Variants in NFATC1 observed in about 807,000 individuals in gnomAD.
NFATC1 encodes the protein nuclear factor of activated T cells 1, also known as nuclear factor of activated T-cells, cytoplasmic 1.
NFATC1 carries 22 observed loss-of-function variants against 76.0 expected under a neutral mutation model. The ratio of observed to expected loss-of-function variants is 0.29; its 90% CI spans 0.21 to 0.41. The LOEUF is 0.41. Among genes scored for constraint, NFATC1 ranks in the 10% least tolerant of loss-of-function variants. The pLI is 1.00. For missense variants in NFATC1, 1,357 were observed against 1,337.7 expected (o/e 1.01, Z -0.23); for synonymous variants, 704 against 613.1 (o/e 1.15, Z -2.19).
At chr18:79,414,098 C>T (rs557570452) in intron 2 of NFATC1, among the ~76,000 whole-genome samples, 52 of 152,264 alleles carry the variant, frequency 3.4e-4, no homozygotes, top group African/African-American at 9.4e-4. Flanking sequence ...ACCTCGTCAG[C>T]GGGTGCCCTG....
intron 6 of NFATC1, 124 bp downstream of exon 6, chr18:79,451,940 C>T (rs1017669960): frequency 4.8e-5 from 59 of 1,235,290 alleles, no homozygotes; most frequent in South Asian, 2.3e-4. Context: ...GGGTGTGGCA[C>T]GGAGCAGAGG....
chr18:79,486,803 G>T lies in NFATC1; in HGVS notation c.2648G>T (p.Arg883Leu), dbSNP rs750561672. ...GRPQHLPSTVRRDESPTAGPR... is the reference protein window; with the variant it reads ...GRPQHLPSTVLRDESPTAGPR... ...CCGCAGCACCTGCCGTCCACGGTCC[G>T]CAGGGACGAGTCTCCGACTGCCGGG... The change falls in exon 9 of 10, where the codon CGC becomes CTC. Residue 883 changes from arginine to leucine, a missense_variant. Arg to Leu is a moderately radical substitution (Grantham distance 102). This residue lies in a region of NFATC1 where 424 missense variants were observed against 395.4 expected (regional missense o/e 1.07). Coordinates refer to ENST00000427363, the MANE Select transcript of NFATC1 (RefSeq NM_001278669.2). 2.2e-5 allele frequency: 36 copies of T among 1,610,990 alleles called. No individual in the cohort carries two copies. Among genetic ancestry groups the T allele is most frequent in the Admixed American group, 3.3e-5 (2 of 59,958 alleles).
At chr18:79,484,147 C>T (rs1224239154) in intron 8 of NFATC1, among the ~76,000 whole-genome samples, 1 of 152,024 alleles carries the variant, frequency 6.6e-6, no homozygotes, top group Non-Finnish European at 1.5e-5. Flanking sequence ...TTCTCCCTCC[C>T]CTGCCCTGGG....
chr18:79,466,112 C>T (rs1245517038), intron 7 of NFATC1, among the ~76,000 whole-genome samples: 1 of 152,146 alleles, frequency 6.6e-6, no homozygotes, highest in Admixed American at 6.5e-5. Context: ...AGGGCATGGC[C>T]CCTCTGCATG....
At chr18:79,439,477 A>G (rs907876316) in intron 3 of NFATC1, among the ~76,000 whole-genome samples, 8 of 152,328 alleles carry the variant, frequency 5.3e-5, no homozygotes, top group Admixed American at 2.0e-4. Flanking sequence ...TGCAGGAGGC[A>G]CGGATTAATT....
chr18:79,408,946 T>G (rs1430547880), intron 1 of NFATC1, among the ~76,000 whole-genome samples: 1 of 141,528 alleles, frequency 7.1e-6, no homozygotes, highest in African/African-American at 2.7e-5. Flanking sequence ...TATCCATTCA[T>G]TCATCATCCA....
chr18:79,454,582 G>A (rs1298068305), intron 6 of NFATC1, among the ~76,000 whole-genome samples: 1 of 152,216 alleles, frequency 6.6e-6, no homozygotes, highest in African/African-American at 2.4e-5. Context: ...GGGTGTTTGA[G>A]TCTCAGCCTG....
intron 3 of NFATC1, among the ~76,000 whole-genome samples, chr18:79,435,791 C>T (rs548633078): frequency 7.7e-4 from 117 of 152,316 alleles, no homozygotes; most frequent in Middle Eastern, 3.4e-3. Context: ...TCAAGTGGCC[C>T]GTGTGTGCGC....
chr18:79,477,556 G>T (rs1216249235), intron 8 of NFATC1, among the ~76,000 whole-genome samples: 1 of 149,520 alleles, frequency 6.7e-6, no homozygotes, highest in Non-Finnish European at 1.5e-5. Flanking sequence ...AGCACTACCG[G>T]CCGTACTGTT....
At chr18:79,497,178 C>A (rs1360421834) in intron 9 of NFATC1, 1 of 152,268 alleles carries the variant, frequency 6.6e-6, no homozygotes, top group African/African-American at 2.4e-5. Flanking sequence ...TGGAGAGAAG[C>A]AGGCCTTCTA....
At chr18:79,411,544 CGCGGG>C (rs1471944719) in intron 2 of NFATC1, 43 bp downstream of exon 2, 7 of 1,313,044 alleles carry the variant, frequency 5.3e-6, no homozygotes, top group African/African-American at 1.5e-5. Flanking sequence ...CGAGGGGAGG[CGCGGG>C]GCGGGGCGGA....
At chr18:79,507,107 C>G (rs1328937814) in intron 9 of NFATC1, among the ~76,000 whole-genome samples, 1 of 152,236 alleles carries the variant, frequency 6.6e-6, no homozygotes, top group Non-Finnish European at 1.5e-5. Context: ...AGGACGCTGT[C>G]GCCAGGCACT....
chr18:79,427,094 C>G (rs1001017002), intron 2 of NFATC1, among the ~76,000 whole-genome samples: 1 of 152,190 alleles, frequency 6.6e-6, no homozygotes, highest in Non-Finnish European at 1.5e-5. Context: ...GAGCATGTCC[C>G]GGGTTCTTAG....
chr18:79,443,268 A>T (rs2087055730), intron 3 of NFATC1, among the ~76,000 whole-genome samples: 1 of 152,166 alleles, frequency 6.6e-6, no homozygotes, highest in Non-Finnish European at 1.5e-5. Flanking sequence ...CAGCTTGTGC[A>T]CCGCGCGTAT....
In NFATC1 at chr18:79,448,692, C is replaced by T. The variant is rs558118526; in HGVS notation, c.1387-90C>T. Reference sequence around the variant, plus strand: ...GGGCAGGGCAGGGGGACACAGGCCTCGAACCCGCCGCAGGTTTTCTCTGCG... The same window carrying T: ...GGGCAGGGCAGGGGGACACAGGCCTTGAACCCGCCGCAGGTTTTCTCTGCG... On this transcript the variant is annotated intron_variant, in intron 3 of 9. Coordinates refer to ENST00000427363, the MANE Select transcript of NFATC1 (RefSeq NM_001278669.2). 1.3e-5 allele frequency: 18 copies of T among 1,338,484 alleles called. No individual in the cohort carries two copies. The Admixed American group carries it at 1.7e-4, about 12-fold the overall frequency. 82.9% of individuals were successfully genotyped at this position (1,338,484 alleles called of 1,614,324 possible).
chr18:79,494,580 C>T (rs1315345306), intron 9 of NFATC1, among the ~76,000 whole-genome samples: 2 of 89,622 alleles, frequency 2.2e-5, no homozygotes, highest in African/African-American at 8.3e-5. Context: ...CGGGGGAAGG[C>T]GAGAGCGGGC....
At chr18:79,488,318 G>A (rs2089579214) in intron 9 of NFATC1, among the ~76,000 whole-genome samples, 1 of 145,650 alleles carries the variant, frequency 6.9e-6, no homozygotes, top group Non-Finnish European at 1.5e-5. Flanking sequence ...GTGTGTGTGT[G>A]TGTGTGTGTG....
chr18:79,397,303 A>G (rs924218260), intron 1 of NFATC1, among the ~76,000 whole-genome samples: 4 of 152,268 alleles, frequency 2.6e-5, no homozygotes, highest in South Asian at 4.1e-4. Flanking sequence ...AATATTTTAT[A>G]TAATTTATTT....
intron 2 of NFATC1, among the ~76,000 whole-genome samples, chr18:79,414,880 G>A (rs2085823950): frequency 6.6e-6 from 1 of 152,228 alleles, no homozygotes; most frequent in African/African-American, 2.4e-5. Flanking sequence ...GCGTCTGGAG[G>A]AGGCCAGGGC....
Sources: gnomAD v4.1 joint callset for allele counts (sites outside exome capture counted in the v4.1 genomes callset) on GRCh38, gnomAD v4.1.1 for gene constraint, gnomAD v4.1.1 regional missense constraint, MANE v1.5 for transcripts, NCBI Gene and HGNC (gene_info 2026-07-23, HGNC 2026-07-21) for gene names.